The following GRIK2 variants were observed in gnomAD, a reference collection of about 807,000 sequenced individuals.
GRIK2 encodes glutamate receptor ionotropic, kainate 2.
Under a neutral mutation model 100.3 loss-of-function variants are expected in GRIK2, and 32 were observed. The ratio of observed to expected loss-of-function variants is 0.32; its 90% confidence interval spans 0.24 to 0.43. The LOEUF (loss-of-function observed/expected upper bound fraction) is 0.43, where lower values mean the gene tolerates loss of function less well. GRIK2 is among the 20% of genes least tolerant of loss of function. GRIK2 has a pLI of 1.00. For missense variants in GRIK2, 843 were observed against 1,114.9 expected (o/e 0.76, Z 3.47); for synonymous variants, 417 against 389.4 (o/e 1.07, Z -0.83).
intron 2 of GRIK2, among the ~76,000 whole-genome samples, chr6:101,577,028 A>G (rs1412895611): frequency 6.6e-6 from 1 of 152,066 alleles, no homozygotes; most frequent in Non-Finnish European, 1.5e-5. Context: ...TGCTTAAGAA[A>G]GGTCTTTATA....
intron 2 of GRIK2, among the ~76,000 whole-genome samples, chr6:101,473,089 T>A (rs1772034275): frequency 6.7e-6 from 1 of 148,948 alleles, no homozygotes; most frequent in African/African-American, 2.5e-5. Flanking sequence ...AAACAATGAA[T>A]CCTAGGTTTT....
At chr6:101,685,718 A>C (rs1771629137) in intron 6 of GRIK2, among the ~76,000 whole-genome samples, 1 of 152,142 alleles carries the variant, frequency 6.6e-6, no homozygotes, top group South Asian at 2.1e-4. Context: ...TACAGTTTTC[A>C]TTAGTTAGAA....
At chr6:101,769,215 T>C (rs1353934215) in intron 7 of GRIK2, among the ~76,000 whole-genome samples, 2 of 152,194 alleles carry the variant, frequency 1.3e-5, no homozygotes, top group Non-Finnish European at 2.9e-5. Context: ...AAAAAGTAGA[T>C]ACAAATGCCC....
intron 2 of GRIK2, among the ~76,000 whole-genome samples, chr6:101,408,915 A>G (rs1262903570): frequency 2.0e-5 from 3 of 152,172 alleles, no homozygotes; most frequent in African/African-American, 4.8e-5. Context: ...AAATAAAGGA[A>G]TGTCTTCTTA....
At chr6:101,733,128 C>T (rs957846610) in intron 7 of GRIK2, among the ~76,000 whole-genome samples, 1 of 152,062 alleles carries the variant, frequency 6.6e-6, no homozygotes, top group African/African-American at 2.4e-5. Context: ...TCCTCACATA[C>T]AAAATACGTT....
At chr6:101,941,990 G>GT (rs201804387) in intron 14 of GRIK2, among the ~76,000 whole-genome samples, 2,037 of 151,562 alleles carry the variant, frequency 0.013, 17 homozygotes, top group Non-Finnish European at 0.017. Flanking sequence ...AGTGGCATAG[G>GT]TTTTTTTTGT....
At chr6:101,707,643 T>TC (rs1773432085) in intron 7 of GRIK2, among the ~76,000 whole-genome samples, 1 of 144,010 alleles carries the variant, frequency 6.9e-6, no homozygotes. Flanking sequence ...GTGATAATAG[T>TC]CCCCCAGAAA....
chr6:101,662,831 G>A lies in GRIK2; in HGVS notation c.542-13792G>A, dbSNP rs550339902. Among the ~76,000 whole-genome samples, 138 of 152,130 alleles carry A rather than the reference G, an allele frequency of 9.1e-4. 1 individual carries two copies. Among genetic ancestry groups the A allele is most frequent in the African/African-American group, 3.1e-3 (129 of 41,510 alleles). On this transcript the variant is annotated intron_variant, in intron 4 of 16. Coordinates refer to ENST00000369134, the MANE Select transcript of GRIK2 (RefSeq NM_021956.5). The stretch of plus-strand genomic sequence containing the variant: ...CCACCACCCTATAATCTCACAGGTG[G>A]TGAACATATACCATTTATATTTTTT...
At chr6:101,913,864 A>T (rs1788919898) in intron 12 of GRIK2, among the ~76,000 whole-genome samples, 1 of 151,566 alleles carries the variant, frequency 6.6e-6, no homozygotes, top group South Asian at 2.1e-4. Context: ...CATAGTAGAA[A>T]AAATGATATG....
intron 14 of GRIK2, among the ~76,000 whole-genome samples, chr6:101,965,663 C>G (rs1382353094): frequency 1.3e-5 from 2 of 152,046 alleles, no homozygotes; most frequent in Non-Finnish European, 2.9e-5. Flanking sequence ...ACATTTTATA[C>G]TTCTGATTTC....
At chr6:102,008,543 T>C (rs529225383) in intron 14 of GRIK2, among the ~76,000 whole-genome samples, 1 of 152,174 alleles carries the variant, frequency 6.6e-6, no homozygotes, top group African/African-American at 2.4e-5. Context: ...GTGTGACCCA[T>C]CATTAATAAT....
intron 8 of GRIK2, among the ~76,000 whole-genome samples, 158 bp downstream of exon 8, chr6:101,799,949 AT>A (rs779407791): frequency 1.2e-4 from 18 of 152,166 alleles, no homozygotes; most frequent in Admixed American, 6.6e-5. Context: ...TTACTAAATA[AT>A]ACCAAATGAA....
intron 14 of GRIK2, among the ~76,000 whole-genome samples, chr6:101,994,070 A>G (rs944823937): frequency 6.7e-6 from 1 of 149,578 alleles, no homozygotes; most frequent in African/African-American, 2.4e-5. Context: ...ATATACAAAT[A>G]CATACATTAT....
intron 7 of GRIK2, among the ~76,000 whole-genome samples, chr6:101,779,635 A>G (rs958854392): frequency 2.0e-5 from 3 of 152,184 alleles, no homozygotes; most frequent in African/African-American, 7.2e-5. Flanking sequence ...CTGAACTAGC[A>G]GTGAAGCAGG....
In GRIK2 at chr6:101,414,958, G is replaced by A. The variant is rs2895480; in HGVS notation, c.115+15566G>A. On this transcript the variant is annotated intron_variant, in intron 2 of 16. Transcript: ENST00000369134. ...TTTAAACTTGTGTGTGTGTGTGTGTGTGTGTATGTGTGTGTGGTGTGTGGT... is the reference window on the plus strand; with the variant it reads ...TTTAAACTTGTGTGTGTGTGTGTGTATGTGTATGTGTGTGTGGTGTGTGGT... 1.3e-3 allele frequency among the ~76,000 whole-genome samples: 167 copies of A among 132,158 alleles called. 1 individual carries two copies. The highest frequency in any genetic ancestry group is 5.2e-3 in the African/African-American group (162 of 31,134). 86.7% of individuals were successfully genotyped at this position (132,158 alleles called of 152,430 possible).
At chr6:101,824,885 A>G (rs1391430036) in intron 10 of GRIK2, among the ~76,000 whole-genome samples, 2 of 152,194 alleles carry the variant, frequency 1.3e-5, no homozygotes, top group Admixed American at 6.5e-5. Flanking sequence ...TCCAATGACA[A>G]TTGAAAAGTA....
intron 7 of GRIK2, among the ~76,000 whole-genome samples, chr6:101,775,499 A>G (rs1778681647): frequency 6.6e-6 from 1 of 151,674 alleles, no homozygotes; most frequent in Admixed American, 6.6e-5. Context: ...ATGTAGAGAC[A>G]AAAATCTTTA....
intron 2 of GRIK2, among the ~76,000 whole-genome samples, chr6:101,543,935 A>G (rs887593615): frequency 2.0e-5 from 3 of 152,176 alleles, no homozygotes; most frequent in African/African-American, 7.2e-5. Flanking sequence ...GCCCAGTGAT[A>G]GAAAATGATT....
rs949303586 is a variant in GRIK2 at position 101,584,302 on chromosome 6, A to G, written c.116-37647A>G. Reference sequence around the variant, plus strand: ...TGCCCATCTACTCAAACACAATTCAAATTATTTTATGCATTAGTAGAATTT... The same window carrying G: ...TGCCCATCTACTCAAACACAATTCAGATTATTTTATGCATTAGTAGAATTT... On this transcript the variant is annotated intron_variant, in intron 2 of 16. Coordinates refer to ENST00000369134, the MANE Select transcript of GRIK2 (RefSeq NM_021956.5). Among the ~76,000 whole-genome samples, 3 of 152,198 alleles carry G rather than the reference A, an allele frequency of 2.0e-5. No individual in the cohort carries two copies. In the South Asian group the frequency reaches 6.2e-4, roughly 32 times the overall value.
Sources: gnomAD v4.1 joint callset for allele counts (sites outside exome capture counted in the v4.1 genomes callset) on GRCh38, gnomAD v4.1.1 for gene constraint, MANE v1.5 for transcripts, NCBI Gene and HGNC (gene_info 2026-07-23, HGNC 2026-07-21) for gene names.